The following EXOC4 variants were observed in gnomAD, a reference collection of about 807,000 sequenced individuals.
EXOC4 encodes the protein SEC8-like 1.
In EXOC4, 71 loss-of-function variants were observed where a neutral mutation model predicts 107.2. The observed-to-expected ratio is 0.66, with a 90% CI of 0.55 to 0.81. The LOEUF is 0.81. EXOC4 is among the 30% of genes least tolerant of loss of function. EXOC4 has a pLI of 0.00. For synonymous variants in EXOC4, 456 were observed against 441.2 expected (o/e 1.03, Z -0.42); for missense variants, 1,108 against 1,189.6 (o/e 0.93, Z 1.01).
chr7:133,896,845 A>G (rs867972031), intron 12 of EXOC4, among the ~76,000 whole-genome samples: 1 of 31,206 alleles, frequency 3.2e-5, no homozygotes, highest in Non-Finnish European at 5.8e-5. Context: ...TTGTATTTTT[A>G]GTAGAGATGG....
intron 10 of EXOC4, among the ~76,000 whole-genome samples, chr7:133,784,948 C>T (rs1180682977): frequency 2.0e-5 from 3 of 152,160 alleles, no homozygotes; most frequent in African/African-American, 7.2e-5. Flanking sequence ...TTCGGGCCCT[C>T]CAGAAGATAT....
intron 8 of EXOC4, among the ~76,000 whole-genome samples, 157 bp from the exon 9 acceptor site, chr7:133,479,893 G>GCTGGCC (rs932538625): frequency 1.4e-4 from 22 of 152,220 alleles, no homozygotes; most frequent in Admixed American, 1.2e-3. Context: ...GTCTGCGGCA[G>GCTGGCC]CTGGCCCTGG....
chr7:133,696,503 C>T (rs1366438425), intron 10 of EXOC4, among the ~76,000 whole-genome samples: 2 of 152,200 alleles, frequency 1.3e-5, no homozygotes, highest in African/African-American at 4.8e-5. Context: ...GGTTTCTGGT[C>T]CCCAATCTGC....
chr7:134,033,826 T>C (rs755585161), intron 17 of EXOC4, among the ~76,000 whole-genome samples: 7 of 152,328 alleles, frequency 4.6e-5, no homozygotes, highest in Middle Eastern at 3.4e-3. Flanking sequence ...ATCAGACTTA[T>C]GATCAATAGC....
intron 7 of EXOC4, among the ~76,000 whole-genome samples, chr7:133,376,192 G>T (rs1405481851): frequency 6.6e-6 from 1 of 152,154 alleles, no homozygotes; most frequent in Non-Finnish European, 1.5e-5. Context: ...TTGGTACAGT[G>T]TATATGCTTT....
chr7:133,599,456 C>G (rs1801755963), intron 9 of EXOC4, among the ~76,000 whole-genome samples: 1 of 152,208 alleles, frequency 6.6e-6, no homozygotes, highest in Non-Finnish European at 1.5e-5. Flanking sequence ...TCTCAGCCTT[C>G]CCCTTAACCC....
chr7:134,089,726 C>CT, the EXOC4 span, among the ~76,000 whole-genome samples: 8 of 152,106 alleles, frequency 5.3e-5, no homozygotes, highest in Non-Finnish European at 8.8e-5. Context: ...CTAAACATCC[C>CT]TTTTTTTAAA....
At chr7:133,979,530 G>A (rs979112086) in intron 14 of EXOC4, among the ~76,000 whole-genome samples, 2 of 152,184 alleles carry the variant, frequency 1.3e-5, no homozygotes, top group Non-Finnish European at 2.9e-5. Context: ...GCTCACGCCT[G>A]TAATCCCAGC....
chr7:133,503,829 G>A (rs1799619498), intron 9 of EXOC4, among the ~76,000 whole-genome samples: 1 of 152,098 alleles, frequency 6.6e-6, no homozygotes, highest in Non-Finnish European at 1.5e-5. Flanking sequence ...GGTGGTTTGG[G>A]GGAGGGTACG....
intron 14 of EXOC4, among the ~76,000 whole-genome samples, chr7:133,989,550 A>G (rs191855964): frequency 6.6e-6 from 1 of 152,300 alleles, no homozygotes. Context: ...AACAACACCC[A>G]GAAGAGTATG....
chr7:133,738,181 G>T (rs1195124169), intron 10 of EXOC4, among the ~76,000 whole-genome samples: 1 of 151,814 alleles, frequency 6.6e-6, no homozygotes, highest in Non-Finnish European at 1.5e-5. Flanking sequence ...CAAAGTGCTG[G>T]GATTACAGGC....
chr7:133,278,406 C>G (rs183028549), intron 2 of EXOC4, among the ~76,000 whole-genome samples: 47 of 152,254 alleles, frequency 3.1e-4, no homozygotes, highest in Non-Finnish European at 1.3e-4. Context: ...GCTACACACA[C>G]CCCCACCCAC....
At chr7:134,019,873 CTG>C (rs754319587) in intron 17 of EXOC4, among the ~76,000 whole-genome samples, 1 of 152,092 alleles carries the variant, frequency 6.6e-6, no homozygotes, top group Non-Finnish European at 1.5e-5. Flanking sequence ...TGATTGCTAA[CTG>C]TTTTAATCAG....
intron 9 of EXOC4, among the ~76,000 whole-genome samples, chr7:133,512,590 TGAA>T (rs910694460): frequency 2.0e-5 from 3 of 152,034 alleles, no homozygotes; most frequent in Admixed American, 1.3e-4. Flanking sequence ...AGGCTCCCAG[TGAA>T]GAAGAAGATC....
chr7:133,618,830 A>G (rs1054208169), intron 9 of EXOC4, among the ~76,000 whole-genome samples: 26 of 152,200 alleles, frequency 1.7e-4, no homozygotes, highest in Admixed American at 7.2e-4. Context: ...ATTTTTGTCA[A>G]TTATTTATTG....
At chr7:133,867,039 T>C (rs1164854664) in intron 11 of EXOC4, among the ~76,000 whole-genome samples, 1 of 152,204 alleles carries the variant, frequency 6.6e-6, no homozygotes, top group Non-Finnish European at 1.5e-5. Flanking sequence ...TCTCCACTCA[T>C]GCCAGTCAAA....
the EXOC4 span, among the ~76,000 whole-genome samples, chr7:134,087,226 C>A: frequency 6.6e-6 from 1 of 152,136 alleles, no homozygotes; most frequent in African/African-American, 2.4e-5. Flanking sequence ...ACAACCCTAA[C>A]TTCAAGGTTT....
downstream of EXOC4, among the ~76,000 whole-genome samples, chr7:134,070,065 G>C (rs1489681145): frequency 9.0e-5 from 1 of 11,108 alleles, no homozygotes; most frequent in Non-Finnish European, 1.5e-4. Flanking sequence ...AAAGCAAAGT[G>C]GGTGCTGAAA....
chr7:133,814,540 C>T (rs779058292), intron 10 of EXOC4, among the ~76,000 whole-genome samples: 6 of 152,102 alleles, frequency 3.9e-5, no homozygotes, highest in Non-Finnish European at 8.8e-5. Flanking sequence ...AAGAATTTCC[C>T]AGGAGTGAGA....
Sources: gnomAD v4.1 joint callset for allele counts (sites outside exome capture counted in the v4.1 genomes callset) on GRCh38, gnomAD v4.1.1 for gene constraint, MANE v1.5 for transcripts, NCBI Gene and HGNC (gene_info 2026-07-23, HGNC 2026-07-21) for gene names.